The following ZRANB3 variants were observed in gnomAD, a reference collection of about 807,000 sequenced individuals.
The protein encoded by ZRANB3 is zinc finger RANBP2-type containing 3, also known as DNA annealing helicase and endonuclease ZRANB3.
A neutral mutation model predicts 133.8 loss-of-function variants in ZRANB3; 125 were observed. The ratio of observed to expected loss-of-function variants is 0.93; its 90% confidence interval spans 0.81 to 1.08. The LOEUF (loss-of-function observed/expected upper bound fraction) is 1.08, where lower values mean the gene tolerates loss of function less well. Ranked by LOEUF, ZRANB3 falls within the 50% of genes least tolerant of loss-of-function variation. The probability of loss-of-function intolerance (pLI) is 0.00; values close to 1 mark genes in which losing one functional copy is unlikely to be tolerated. For synonymous variants in ZRANB3, 387 were observed against 432.7 expected (o/e 0.89, Z 1.31); for missense variants, 1,229 against 1,275.5 (o/e 0.96, Z 0.56).
chr2:135,363,271 G>C (rs1685769602), intron 3 of ZRANB3, among the ~76,000 whole-genome samples: 1 of 152,078 alleles, frequency 6.6e-6, no homozygotes, highest in Admixed American at 6.5e-5. Flanking sequence ...TGGCTCAAGT[G>C]ATCTTCCTGC....
chr2:135,420,093 A>T (rs1364817811), intron 2 of ZRANB3, among the ~76,000 whole-genome samples: 11 of 74,436 alleles, frequency 1.5e-4, no homozygotes, highest in East Asian at 7.8e-4. Context: ...TCTTAGATTT[A>T]TATATATATA....
At chr2:135,328,063 A>T (rs1407952785) in intron 6 of ZRANB3, among the ~76,000 whole-genome samples, 1 of 151,798 alleles carries the variant, frequency 6.6e-6, no homozygotes, top group Non-Finnish European at 1.5e-5. Flanking sequence ...AGTTAAAGCC[A>T]ATTTTTATTA....
chr2:135,371,834 G>A (rs771328601), intron 3 of ZRANB3, among the ~76,000 whole-genome samples: 23 of 152,058 alleles, frequency 1.5e-4, no homozygotes, highest in African/African-American at 5.3e-4. Context: ...GCTTTTGGAG[G>A]GAAGTCATAA....
chr2:135,221,774 G>C (rs1285588316), intron 15 of ZRANB3, among the ~76,000 whole-genome samples: 1 of 152,164 alleles, frequency 6.6e-6, no homozygotes, highest in African/African-American at 2.4e-5. Flanking sequence ...CCTGCAGCCT[G>C]GTTCACCATG....
chr2:135,515,101 T>G (rs1693646452), intron 1 of ZRANB3, among the ~76,000 whole-genome samples: 1 of 152,160 alleles, frequency 6.6e-6, no homozygotes, highest in South Asian at 2.1e-4. Flanking sequence ...AATCATCTTT[T>G]TTTGTTGTGT....
intron 2 of ZRANB3, among the ~76,000 whole-genome samples, chr2:135,424,656 C>T (rs942055106): frequency 2.6e-5 from 4 of 152,198 alleles, no homozygotes; most frequent in Non-Finnish European, 5.9e-5. Flanking sequence ...TCACTTGAAA[C>T]TGGGATGCAG....
At chr2:135,478,996 A>G (rs763980348) in intron 2 of ZRANB3, among the ~76,000 whole-genome samples, 52 of 150,906 alleles carry the variant, frequency 3.4e-4, no homozygotes, top group Non-Finnish European at 5.9e-4. Context: ...TAGCTCTCAG[A>G]ACACACATAC....
chr2:135,297,967 G>A (rs1010782654), intron 8 of ZRANB3, among the ~76,000 whole-genome samples: 2 of 152,024 alleles, frequency 1.3e-5, no homozygotes, highest in East Asian at 3.9e-4. Context: ...GGTAGCTCAC[G>A]CCTGTAATCC....
chr2:135,418,925 CTTT>C (rs769271961), intron 2 of ZRANB3, among the ~76,000 whole-genome samples: 55 of 85,872 alleles, frequency 6.4e-4, no homozygotes, highest in African/African-American at 2.2e-3. Flanking sequence ...AGGATTCTCT[CTTT>C]TTTTTTTTTT....
intron 12 of ZRANB3, among the ~76,000 whole-genome samples, chr2:135,235,415 G>C (rs1695241402): frequency 6.6e-6 from 1 of 152,162 alleles, no homozygotes; most frequent in Non-Finnish European, 1.5e-5. Context: ...GAAAAAGAGG[G>C]AATCCTCCCT....
At chr2:135,266,463 C>T (rs1012964227) in intron 11 of ZRANB3, among the ~76,000 whole-genome samples, 1 of 151,972 alleles carries the variant, frequency 6.6e-6, no homozygotes, top group African/African-American at 2.4e-5. Context: ...AGGAGTCTGG[C>T]ACCTTTTAAA....
At position 135,530,944 on chromosome 2, in the gene ZRANB3, C is replaced by T. The variant is rs1174341724; in HGVS notation, c.-8+183G>A. Among the ~76,000 whole-genome samples the T allele has an allele frequency of 4.6e-5, 7 of 152,252 alleles. No homozygotes were observed. In the East Asian group the frequency reaches 1.4e-3, roughly 29 times the overall value. ...GCTCCAGGCCGAAAAGAGCAATCAC[C>T]CCGCCCTCCGCCACTGAAGCTGGAG... On this transcript the variant is annotated intron_variant, in intron 1 of 20. Transcript: ENST00000264159.
At chr2:135,225,892 A>C (rs1694743434) in intron 14 of ZRANB3, among the ~76,000 whole-genome samples, 1 of 152,174 alleles carries the variant, frequency 6.6e-6, no homozygotes, top group Non-Finnish European at 1.5e-5. Context: ...AAATAGAGGA[A>C]AGTGTCTTAC....
rs757665275 is a variant in ZRANB3 at position 135,242,796 on chromosome 2, AATT to A, written c.1540-11872_1540-11870del. On this transcript the variant is annotated intron_variant, in intron 12 of 20. Coordinates refer to ENST00000264159, the MANE Select transcript of ZRANB3 (RefSeq NM_032143.4). The stretch of plus-strand genomic sequence containing the variant: ...ATTATCCTCCTTTCTTTCCTTATTT[AATT>A]ATTAATTTCTGGTATTACAGTTTTA... Among the ~76,000 whole-genome samples, 18 of 151,788 alleles carry A rather than the reference AATT, an allele frequency of 1.2e-4. No homozygotes were observed. In the East Asian group the frequency reaches 3.3e-3, roughly 28 times the overall value.
chr2:135,297,283 C>T (rs1473928297), intron 8 of ZRANB3, among the ~76,000 whole-genome samples: 1 of 152,206 alleles, frequency 6.6e-6, no homozygotes, highest in Admixed American at 6.5e-5. Flanking sequence ...ATGGGGGGCA[C>T]CCCTCCCCCA....
intron 1 of ZRANB3, among the ~76,000 whole-genome samples, chr2:135,505,050 A>C (rs1306665738): frequency 6.6e-5 from 10 of 152,096 alleles, no homozygotes; most frequent in African/African-American, 2.4e-4. Context: ...CTTTTTAATG[A>C]GCTGAATCCA....
intron 8 of ZRANB3, among the ~76,000 whole-genome samples, chr2:135,307,133 C>T (rs1000134775): frequency 6.6e-6 from 1 of 152,214 alleles, no homozygotes; most frequent in African/African-American, 2.4e-5. Flanking sequence ...GTGGCATGAT[C>T]ATAGCTCATT....
intron 2 of ZRANB3, among the ~76,000 whole-genome samples, chr2:135,461,259 G>A (rs1690749739): frequency 6.6e-6 from 1 of 152,022 alleles, no homozygotes; most frequent in East Asian, 1.9e-4. Context: ...CCAAATAAGT[G>A]ATAAACAACA....
chr2:135,200,044 A>G lies in ZRANB3; in HGVS notation c.*298T>C, dbSNP rs1693556552. 1 of 423,070 alleles carries G rather than the reference A, an allele frequency of 2.4e-6. No homozygotes were observed. Among genetic ancestry groups the G allele is most frequent in the East Asian group, 5.4e-5 (1 of 18,656 alleles). The allele number at this position is 423,070 out of a possible 1,614,324, so 26.2% of individuals were successfully genotyped here. ...TACATTTTTTAAACACAATCTATGC[A>G]CAATACAGTGATTAGGCATATTAGG... is the stretch of plus-strand genomic sequence containing the variant. On this transcript the variant is annotated 3_prime_UTR_variant, in exon 21 of 21. Transcript: ENST00000264159.
Sources: allele counts gnomAD v4.1 joint callset (sites outside exome capture counted in the v4.1 genomes callset), GRCh38; gene constraint gnomAD v4.1.1; transcripts MANE v1.5; gene names NCBI Gene and HGNC (gene_info 2026-07-23, HGNC 2026-07-21).